RCOR3: variants seen among roughly 807,000 people sequenced by gnomAD.
RCOR3 encodes the protein REST corepressor 3.
Under a neutral mutation model 64.1 loss-of-function variants are expected in RCOR3, and 13 were observed. The ratio of observed to expected loss-of-function variants is 0.20; its 90% CI spans 0.13 to 0.32. The LOEUF (loss-of-function observed/expected upper bound fraction) is 0.32. Among genes scored for constraint, RCOR3 ranks in the 10% least tolerant of loss-of-function variants. RCOR3 has a pLI of 1.00. For missense variants in RCOR3, 489 were observed against 701.2 expected (o/e 0.70, Z 3.42); for synonymous variants, 215 against 239.0 (o/e 0.90, Z 0.93).
chr1:211,272,588 CA>C (rs1329745340), intron 3 of RCOR3, among the ~76,000 whole-genome samples: 5 of 128,132 alleles, frequency 3.9e-5, no homozygotes, highest in African/African-American at 1.5e-4. Context: ...TTAGAGGCTT[CA>C]AGGGTGGATC....
In RCOR3 at chr1:211,271,464, G is replaced by T. The variant is rs1170488092; in HGVS notation, c.301+155G>T. The T allele has an allele frequency of 2.0e-4, 136 of 665,330 alleles. 2 individuals are homozygous for T. The South Asian group carries it at 2.3e-3, about 11-fold the overall frequency. The allele number at this position is 665,330 out of a possible 1,614,324, so 41.2% of individuals were successfully genotyped here. A position where few individuals can be genotyped will look rare whatever the true frequency, so the allele number is the denominator to read the frequency against. ...TTTTTTTATTTTTTTTTTAATGGAG[G>T]TTGTTATATTAGAATGTTTTTCCTT... On this transcript the variant is annotated intron_variant, in intron 3 of 11. Transcript: ENST00000419091.
chr1:211,311,342 C>G (rs1701469409), intron 10 of RCOR3, among the ~76,000 whole-genome samples: 1 of 152,002 alleles, frequency 6.6e-6, no homozygotes, highest in Non-Finnish European at 1.5e-5. Context: ...CTTACAAACC[C>G]AAAACTCTAC....
At chr1:211,300,150 A>T (rs2102626622) in intron 9 of RCOR3, among the ~76,000 whole-genome samples, 1 of 143,582 alleles carries the variant, frequency 7.0e-6, no homozygotes, top group East Asian at 2.0e-4. Context: ...GGCTCTCTGC[A>T]ACCTCCATCT....
intron 8 of RCOR3, among the ~76,000 whole-genome samples, chr1:211,293,049 A>G (rs961725339): frequency 4.6e-5 from 7 of 151,392 alleles, no homozygotes; most frequent in Non-Finnish European, 7.4e-5. Flanking sequence ...GCGCCACTGC[A>G]CTCTAGCCTG....
At chr1:211,310,735 T>TA (rs1316164183) in intron 10 of RCOR3, among the ~76,000 whole-genome samples, 10 of 152,140 alleles carry the variant, frequency 6.6e-5, no homozygotes, top group Admixed American at 3.9e-4. Flanking sequence ...GGGGACAACT[T>TA]AGAGTTTTGG....
Position 211,259,522 on chromosome 1 carries a change from T to G in RCOR3, c.-39T>G, listed in dbSNP as rs1438888079. The G allele has an allele frequency of 1.1e-5, 17 of 1,531,070 alleles. No individual in the cohort carries two copies. 94.8% of individuals were successfully genotyped at this position (1,531,070 alleles called of 1,614,324 possible). A position where few individuals can be genotyped will look rare whatever the true frequency, so the allele number is the denominator to read the frequency against. On this transcript the variant is annotated 5_prime_UTR_variant, in exon 1 of 12. Coordinates refer to ENST00000419091, the MANE Select transcript of RCOR3 (RefSeq NM_001136223.3). ...CCATCTCCGCCTTCACCCTGACGCC[T>G]GCCTCTTCCCCTCACCTTTCCCCCT... is the stretch of plus-strand genomic sequence containing the variant.
intron 3 of RCOR3, among the ~76,000 whole-genome samples, chr1:211,272,620 T>TTTC (rs1696378831): frequency 9.9e-6 from 1 of 100,676 alleles, no homozygotes; most frequent in Non-Finnish European, 2.1e-5. Flanking sequence ...TACTTTTTTT[T>TTTC]TTTTTTTTTT....
At chr1:211,270,462 A>T (rs545319270) in intron 2 of RCOR3, among the ~76,000 whole-genome samples, 7 of 152,314 alleles carry the variant, frequency 4.6e-5, no homozygotes, top group African/African-American at 1.7e-4. Flanking sequence ...AATAGCTGGC[A>T]GACCCTTAGC....
chr1:211,285,027 G>A (rs762137048), intron 7 of RCOR3, among the ~76,000 whole-genome samples: 18 of 152,090 alleles, frequency 1.2e-4, no homozygotes, highest in Non-Finnish European at 2.1e-4. Flanking sequence ...TCTGCTATTT[G>A]GTGGTTCTTC....
At position 211,313,647 on chromosome 1, in the gene RCOR3, T is replaced by C. The variant is rs1401833758; in HGVS notation, c.1541T>C (p.Ile514Thr). Residue 514 changes from isoleucine to threonine, a missense_variant, in exon 12 of 12, where the codon ATT (isoleucine) becomes ACT (threonine). Physicochemically the swap from Ile to Thr is moderately conservative, Grantham distance 89. Coordinates refer to ENST00000419091, the MANE Select transcript of RCOR3 (RefSeq NM_001136223.3). This position sits in a 1 kb window ranked among gnomAD's most constrained non-coding sequence, Gnocchi z 4.7. ...PTLNQPPPPL[I>T]RPANSMPPRL... is the part of the protein sequence containing the mutation. ...TTAAATCAGCCTCCACCACCTCTTA[T>C]TCGCCCTGCTAATTCCATGCCACCC... The C allele has an allele frequency of 1.2e-6, 2 of 1,614,074 alleles. No homozygotes were observed. The highest frequency in any genetic ancestry group is 1.3e-5 in the African/African-American group (1 of 74,936).
chr1:211,313,993 A>T lies in RCOR3; in HGVS notation c.*225A>T. 4.0e-6 allele frequency: 2 copies of T among 497,106 alleles called. No homozygotes were observed. The highest frequency in any genetic ancestry group is 7.1e-6 in the Non-Finnish European group (2 of 280,254). 30.8% of individuals were successfully genotyped at this position (497,106 alleles called of 1,614,324 possible). A position where few individuals can be genotyped will look rare whatever the true frequency, so the allele number is the denominator to read the frequency against. ...CCAGTTAGCCTCCTTTCTAGAGTAT[A>T]TGTTCAGCAATGTTGATCTCATAAA... On this transcript the variant is annotated 3_prime_UTR_variant, in exon 12 of 12. Coordinates refer to ENST00000419091, the MANE Select transcript of RCOR3 (RefSeq NM_001136223.3). The surrounding 1 kb of genome is among the most constrained non-coding windows in gnomAD (Gnocchi z 4.7).
chr1:211,291,963 A>T (rs866723985), intron 8 of RCOR3, among the ~76,000 whole-genome samples: 34 of 152,208 alleles, frequency 2.2e-4, no homozygotes, highest in African/African-American at 6.5e-4. Flanking sequence ...TATAAAAAAA[A>T]TTTTAAAAAT....
At chr1:211,259,768 C>G (rs1404726787) in intron 1 of RCOR3, 42 bp downstream of exon 1, 2 of 1,397,190 alleles carry the variant, frequency 1.4e-6, no homozygotes, top group Non-Finnish European at 1.9e-6. Context: ...GCCTGCCCCC[C>G]TCCCTCTTCC....
In RCOR3 at chr1:211,315,678, A is replaced by G. The variant is rs115607660; in HGVS notation, c.*1910A>G. The G allele has an allele frequency of 6.6e-6, 1 of 152,334 alleles. No homozygotes were observed. Among genetic ancestry groups the G allele is most frequent in the African/African-American group, 2.4e-5 (1 of 41,570 alleles). 9.4% of individuals were successfully genotyped at this position (152,334 alleles called of 1,614,324 possible). A position where few individuals can be genotyped will look rare whatever the true frequency, so the allele number is the denominator to read the frequency against. On this transcript the variant is annotated 3_prime_UTR_variant, in exon 12 of 12. Transcript: ENST00000419091. ...TGTCAGTAGACCTTCAGTACACAGT[A>G]TGTGGGATATGTCAGTCAAGTTGGT...
chr1:211,278,959 C>T lies in RCOR3; in HGVS notation c.642-279C>T, dbSNP rs562069634. 8.5e-5 allele frequency among the ~76,000 whole-genome samples: 13 copies of T among 152,142 alleles called. No homozygotes were observed. In the East Asian group the frequency reaches 2.1e-3, roughly 25 times the overall value. ...ATCCCAGCACTTTGGGAGGCTGAGG[C>T]GGGCAGATCACTTGAAGTCAGGTTT... On this transcript the variant is annotated intron_variant, in intron 6 of 11. Transcript: ENST00000419091.
At position 211,283,977 on chromosome 1, in the gene RCOR3, A is replaced by G. The variant is rs1208648545; in HGVS notation, c.720+4661A>G. Among the ~76,000 whole-genome samples, 2 of 151,598 alleles carry G rather than the reference A, an allele frequency of 1.3e-5. 1 individual carries two copies. Among genetic ancestry groups the G allele is most frequent in the Admixed American group, 1.3e-4 (2 of 15,250 alleles). On this transcript the variant is annotated intron_variant, in intron 7 of 11. Transcript: ENST00000419091. The stretch of plus-strand genomic sequence containing the variant: ...TTTGTGGTTTGTGTTTTTACTCTCT[A>G]CAGGGAAGTAAACAGCTATTTCATC...
intron 2 of RCOR3, among the ~76,000 whole-genome samples, chr1:211,261,686 C>G (rs891780990): frequency 6.6e-6 from 1 of 152,040 alleles, no homozygotes; most frequent in Non-Finnish European, 1.5e-5. Flanking sequence ...CTTTGGGAGG[C>G]TGAGGCGGGT....
intron 7 of RCOR3, among the ~76,000 whole-genome samples, chr1:211,280,925 A>G (rs1412626451): frequency 2.0e-5 from 3 of 147,898 alleles, no homozygotes; most frequent in African/African-American, 7.4e-5. Context: ...CGGAGGTTGC[A>G]GTGAGCTGAG....
chr1:211,261,167 G>A (rs940789430), intron 2 of RCOR3: 1 of 152,092 alleles, frequency 6.6e-6, no homozygotes, highest in Non-Finnish European at 1.5e-5. Flanking sequence ...GTCAGACATT[G>A]GATTTCTATG....
Sources: gnomAD v4.1 joint callset for allele counts (sites outside exome capture counted in the v4.1 genomes callset) on GRCh38, gnomAD v4.1.1 for gene constraint, Gnocchi (gnomAD v3.1) non-coding constraint, MANE v1.5 for transcripts, NCBI Gene and HGNC (gene_info 2026-07-23, HGNC 2026-07-21) for gene names.